Variants in TENM3 observed in about 807,000 individuals in gnomAD.
TENM3 encodes teneurin-3.
In TENM3, 63 loss-of-function variants were observed where a neutral mutation model predicts 255.1. The observed-to-expected ratio is 0.25, with a 90% CI of 0.20 to 0.30. The LOEUF (loss-of-function observed/expected upper bound fraction) is 0.30. TENM3 is among the 10% of genes least tolerant of loss of function. The pLI is 1.00. For synonymous variants in TENM3, 1,306 were observed against 1,322.3 expected, an observed-to-expected ratio of 0.99 and a Z score of 0.27; for missense variants, 2,929 against 3,461.1, an observed-to-expected ratio of 0.85 and a Z score of 3.86.
the TENM3 span, among the ~76,000 whole-genome samples, chr4:181,639,810 C>T: frequency 6.6e-6 from 1 of 152,150 alleles, no homozygotes; most frequent in East Asian, 1.9e-4. Context: ...ACACTACACA[C>T]TCCTGATTTT....
chr4:182,161,828 C>CAA (rs1360180932), intron 1 of TENM3, among the ~76,000 whole-genome samples: 2,952 of 12,934 alleles, frequency 0.23, 624 homozygotes, highest in East Asian at 0.53. Flanking sequence ...TATATATACA[C>CAA]ATATATATGT....
intron 3 of TENM3, among the ~76,000 whole-genome samples, chr4:182,536,241 G>A (rs1474255572): frequency 1.3e-5 from 2 of 152,200 alleles, no homozygotes; most frequent in African/African-American, 4.8e-5. Flanking sequence ...GTGTCAACTG[G>A]CACTGTCCAG....
the TENM3 span, among the ~76,000 whole-genome samples, chr4:181,831,968 TTGTGTGTGTGTGTGTGTGTGTGTG>T: frequency 0.01 from 1,347 of 132,720 alleles, 24 homozygotes; most frequent in African/African-American, 0.036. Flanking sequence ...ATATATTACA[TTGTGTGTGTGTGTGTGTGTGTGTG>T]TGTGTGTGTG....
chr4:182,615,150 C>G (rs750930115), intron 4 of TENM3, among the ~76,000 whole-genome samples: 1 of 148,792 alleles, frequency 6.7e-6, no homozygotes, highest in South Asian at 2.1e-4. Context: ...TGTGCTTACA[C>G]GTTACATTTA....
chr4:181,964,829 A>G, the TENM3 span, among the ~76,000 whole-genome samples: 56 of 152,274 alleles, frequency 3.7e-4, no homozygotes, highest in African/African-American at 1.3e-3. Context: ...ATGGAAAGGG[A>G]AAGAGAATGC....
At chr4:182,100,798 C>CATAT in the TENM3 span, among the ~76,000 whole-genome samples, 2,857 of 12,712 alleles carry the variant, frequency 0.22, 844 homozygotes, top group Non-Finnish European at 0.29. Flanking sequence ...TATATATACA[C>CATAT]ATATATATAC....
intron 3 of TENM3, among the ~76,000 whole-genome samples, chr4:182,414,007 G>A (rs1425330236): frequency 6.6e-6 from 1 of 152,154 alleles, no homozygotes; most frequent in Non-Finnish European, 1.5e-5. Context: ...GAATATGTTA[G>A]TATAGTGAGA....
At chr4:182,027,230 G>A in the TENM3 span, among the ~76,000 whole-genome samples, 81 of 151,964 alleles carry the variant, frequency 5.3e-4, no homozygotes, top group Admixed American at 5.2e-3. Flanking sequence ...TAATTTTATT[G>A]ATGGCTATTG....
intron 1 of TENM3, among the ~76,000 whole-genome samples, chr4:182,205,421 A>G (rs752865271): frequency 2.0e-5 from 3 of 152,300 alleles, no homozygotes; most frequent in Non-Finnish European, 2.9e-5. Context: ...CACCTCTCCC[A>G]TGTGCCTCTG....
intron 3 of TENM3, among the ~76,000 whole-genome samples, chr4:182,411,145 C>A (rs190683801): frequency 2.2e-4 from 34 of 152,320 alleles, no homozygotes; most frequent in African/African-American, 7.0e-4. Flanking sequence ...GAGCCATTAA[C>A]CAAAGCCTGT....
chr4:182,043,864 C>T, the TENM3 span, among the ~76,000 whole-genome samples: 5 of 152,086 alleles, frequency 3.3e-5, no homozygotes, highest in East Asian at 1.9e-4. Flanking sequence ...TTAGAAAAAG[C>T]GCTCCCTACG....
At chr4:182,118,058 G>C in the TENM3 span, among the ~76,000 whole-genome samples, 5 of 151,986 alleles carry the variant, frequency 3.3e-5, no homozygotes, top group African/African-American at 1.2e-4. Context: ...GATGTTAATT[G>C]CTGCTATACA....
intron 1 of TENM3, among the ~76,000 whole-genome samples, chr4:182,233,066 G>A (rs1756680830): frequency 6.6e-6 from 1 of 152,174 alleles, no homozygotes; most frequent in Admixed American, 6.5e-5. Context: ...AGACATGACA[G>A]CCTCAGAAGT....
chr4:182,414,651 A>G (rs1186240303), intron 3 of TENM3, among the ~76,000 whole-genome samples: 1 of 152,238 alleles, frequency 6.6e-6, no homozygotes, highest in Non-Finnish European at 1.5e-5. Flanking sequence ...ACTTGCATAG[A>G]AATGTAGTTC....
chr4:182,075,419 C>T, the TENM3 span, among the ~76,000 whole-genome samples: 4 of 151,934 alleles, frequency 2.6e-5, no homozygotes, highest in Non-Finnish European at 4.4e-5. Flanking sequence ...AGGATGGTCT[C>T]GATCTCCTGA....
chr4:181,943,264 T>C, the TENM3 span, among the ~76,000 whole-genome samples: 1 of 152,154 alleles, frequency 6.6e-6, no homozygotes, highest in African/African-American at 2.4e-5. Context: ...TTAGGCATTA[T>C]GTTTGCCTTG....
At chr4:182,163,452 G>A (rs1045196217) in intron 1 of TENM3, among the ~76,000 whole-genome samples, 2 of 152,168 alleles carry the variant, frequency 1.3e-5, no homozygotes, top group East Asian at 1.9e-4. Context: ...CCAAGCACGA[G>A]GCGAGTCTTC....
At chr4:182,380,243 C>T (rs1186861943) in intron 3 of TENM3, among the ~76,000 whole-genome samples, 1 of 152,080 alleles carries the variant, frequency 6.6e-6, no homozygotes, top group African/African-American at 2.4e-5. Flanking sequence ...TGCACTCCAG[C>T]CTGGGCAACG....
At chr4:181,992,451 G>A in the TENM3 span, among the ~76,000 whole-genome samples, 2 of 152,118 alleles carry the variant, frequency 1.3e-5, no homozygotes, top group African/African-American at 2.4e-5. Flanking sequence ...CCGATAACTA[G>A]TGGCACTAGA....
Sources: allele counts gnomAD v4.1 joint callset (sites outside exome capture counted in the v4.1 genomes callset), GRCh38; gene constraint gnomAD v4.1.1; transcripts MANE v1.5; gene names NCBI Gene and HGNC (gene_info 2026-07-23, HGNC 2026-07-21).